ZNF486: variants seen among roughly 807,000 people sequenced by gnomAD.
The protein encoded by ZNF486 is zinc finger protein 486.
A neutral mutation model predicts 12.8 loss-of-function variants in ZNF486; 12 were observed. That is an observed-to-expected ratio of 0.94 (90% CI 0.60 to 1.52). The LOEUF (loss-of-function observed/expected upper bound fraction) is 1.52, where lower values mean the gene tolerates loss of function less well. Ranked by LOEUF, ZNF486 falls within the 40% of genes most tolerant of loss-of-function variation. The pLI is 0.00. For missense variants in ZNF486, 738 were observed against 545.0 expected (o/e 1.35, Z -3.53); for synonymous variants, 231 against 184.9 (o/e 1.25, Z -2.02).
In ZNF486 at chr19:20,184,541, T is replaced by C. The variant is rs2122656476; in HGVS notation, c.157+59T>C. 5 of 1,514,882 alleles carry C rather than the reference T, an allele frequency of 3.3e-6. No homozygotes were observed. In the Middle Eastern group the frequency reaches 7.1e-4, roughly 215 times the overall value. The allele number at this position is 1,514,882 out of a possible 1,614,324, so 93.8% of individuals were successfully genotyped here. ...ACCCCAAAAGTTTTATTTCTCTTTTTTGCAGAATGATTTTAGTAATTTATC... is the reference window on the plus strand; with the variant it reads ...ACCCCAAAAGTTTTATTTCTCTTTTCTGCAGAATGATTTTAGTAATTTATC... On this transcript the variant is annotated intron_variant, in intron 2 of 3. Coordinates refer to ENST00000335117, the MANE Select transcript of ZNF486 (RefSeq NM_052852.4).
chr19:20,193,675 AAT>A (rs1327819493), intron 3 of ZNF486, among the ~76,000 whole-genome samples: 14 of 152,124 alleles, frequency 9.2e-5, no homozygotes, highest in African/African-American at 3.1e-4. Flanking sequence ...AATAAAAAAA[AAT>A]ATGTCTTTTG....
intron 3 of ZNF486, among the ~76,000 whole-genome samples, chr19:20,191,745 G>C (rs2089905574): frequency 6.6e-6 from 1 of 152,150 alleles, no homozygotes; most frequent in South Asian, 2.1e-4. Flanking sequence ...ACTCCAGCCT[G>C]GGCAAAAGAG....
At chr19:20,193,645 A>G (rs966993044) in intron 3 of ZNF486, among the ~76,000 whole-genome samples, 3 of 152,082 alleles carry the variant, frequency 2.0e-5, no homozygotes, top group Non-Finnish European at 1.5e-5. Context: ...TGGACAACAG[A>G]GCGAAACTCC....
Position 20,197,885 on chromosome 19 carries a change from G to T in ZNF486, c.1175G>T (p.Gly392Val). ...GGCAAAGCCTTTACATGGTCTGCAG[G>T]CCTCCATAAACATAGGAGAACTCAT... ...ECGKAFTWSA[G>V]LHKHRRTHTG... Residue 392 changes from glycine (G) to valine (V), a missense_variant, in exon 4 of 4, where the codon GGC (glycine) becomes GTC (valine). Gly to Val is a moderately radical substitution (Grantham distance 109). Coordinates refer to ENST00000335117, the MANE Select transcript of ZNF486 (RefSeq NM_052852.4). The T allele has an allele frequency of 6.2e-7, 1 of 1,610,114 alleles. No homozygotes were observed. Among genetic ancestry groups the T allele is most frequent in the Non-Finnish European group, 8.5e-7 (1 of 1,179,002 alleles).
chr19:20,194,740 T>A (rs1199555217), intron 3 of ZNF486, among the ~76,000 whole-genome samples: 3 of 151,890 alleles, frequency 2.0e-5, no homozygotes, highest in Non-Finnish European at 2.9e-5. Context: ...AAAAAAAAAA[T>A]TCTCTGGTTA....
In ZNF486 at chr19:20,198,186, G is replaced by A. The variant is rs11667300; in HGVS notation, c.*84G>A. On this transcript the variant is annotated 3_prime_UTR_variant, in exon 4 of 4. Coordinates refer to ENST00000335117, the MANE Select transcript of ZNF486 (RefSeq NM_052852.4). ...GGCTGGAGTGCAATGGCATAATTTT[G>A]GCTCACCACAACCTCCACCTTCTGG... 7.8e-3 allele frequency: 9,953 copies of A among 1,278,706 alleles called. 58 individuals carry two copies. The highest frequency in any genetic ancestry group is 9.1e-3 in the Non-Finnish European group (8,549 of 937,718). The allele number at this position is 1,278,706 out of a possible 1,614,324, so 79.2% of individuals were successfully genotyped here.
intron 1 of ZNF486, among the ~76,000 whole-genome samples, chr19:20,173,703 G>C (rs1461193064): frequency 6.6e-6 from 1 of 151,974 alleles, no homozygotes; most frequent in Non-Finnish European, 1.5e-5. Flanking sequence ...GTGGTGGCGG[G>C]CGCCTGTAGT....
chr19:20,171,710 A>AT (rs1194762235), intron 1 of ZNF486, among the ~76,000 whole-genome samples: 1 of 151,820 alleles, frequency 6.6e-6, no homozygotes, highest in Non-Finnish European at 1.5e-5. Flanking sequence ...CCCAGGAATT[A>AT]TTTTTTTTCT....
Position 20,197,269 on chromosome 19 carries a change from G to T in ZNF486, c.559G>T (p.Gly187Cys). 6.2e-7 allele frequency: 1 copy of T among 1,610,706 alleles called. No homozygotes were observed. Among genetic ancestry groups the T allele is most frequent in the Non-Finnish European group, 8.5e-7 (1 of 1,179,180 alleles). Residue 187 changes from glycine (G) to cysteine (C), a missense_variant, in exon 4 of 4, where the codon GGT becomes TGT. By Grantham distance (159) the Gly-to-Cys change is radical. Transcript: ENST00000335117. ...AAAAAAACCTTTGAAATATATAGAA[G>T]GTGACAAAGCTTTTAACCAGTCCTC... ...TEKKPLKYIEGDKAFNQSSTH... is the reference protein window; with the variant it reads ...TEKKPLKYIECDKAFNQSSTH...
intron 3 of ZNF486, among the ~76,000 whole-genome samples, chr19:20,190,084 A>G (rs2089888018): frequency 6.6e-6 from 1 of 152,160 alleles, no homozygotes; most frequent in Non-Finnish European, 1.5e-5. Context: ...ACTCATAGCA[A>G]CTTTTTGAAA....
intron 1 of ZNF486, among the ~76,000 whole-genome samples, chr19:20,177,830 C>G (rs1160465415): frequency 6.6e-6 from 1 of 152,082 alleles, no homozygotes; most frequent in Non-Finnish European, 1.5e-5. Context: ...CCCGCCTCGG[C>G]CTCCCAAAGT....
chr19:20,193,682 C>G (rs1378686325), intron 3 of ZNF486, among the ~76,000 whole-genome samples: 2 of 151,928 alleles, frequency 1.3e-5, no homozygotes, highest in African/African-American at 4.8e-5. Flanking sequence ...AAAAATATGT[C>G]TTTTGATTGG....
At position 20,167,271 on chromosome 19, in the gene ZNF486, C is replaced by T. The variant is rs781943879; in HGVS notation, c.-60C>T. 6 of 1,608,832 alleles carry T rather than the reference C, an allele frequency of 3.7e-6. No individual in the cohort carries two copies. Among genetic ancestry groups the T allele is most frequent in the African/African-American group, 1.3e-5 (1 of 74,814 alleles). On this transcript the variant is annotated 5_prime_UTR_variant, in exon 1 of 4. Coordinates refer to ENST00000335117, the MANE Select transcript of ZNF486 (RefSeq NM_052852.4). Reference sequence around the variant, plus strand: ...TCTTCGCTACTCTGTGTCCTCTGCTCCTAGAGGCCCACCCTCTGTGGCCCT... The same window carrying T: ...TCTTCGCTACTCTGTGTCCTCTGCTTCTAGAGGCCCACCCTCTGTGGCCCT...
At position 20,177,873 on chromosome 19, in the gene ZNF486, G is replaced by C. The variant is rs543464303; in HGVS notation, c.31-6483G>C. 3.3e-5 allele frequency among the ~76,000 whole-genome samples: 5 copies of C among 151,454 alleles called. No individual in the cohort carries two copies. The South Asian group carries it at 1.0e-3, about 32-fold the overall frequency. On this transcript the variant is annotated intron_variant, in intron 1 of 3. Transcript: ENST00000335117. ...TTACAGGCACGAGCCACCACACCCA[G>C]CCAAAACGTTTTCTTTCTGTTCTAT...
intron 1 of ZNF486, among the ~76,000 whole-genome samples, chr19:20,180,773 C>T (rs1436763958): frequency 2.0e-5 from 3 of 152,166 alleles, no homozygotes; most frequent in East Asian, 3.9e-4. Flanking sequence ...ATCCACCCAC[C>T]TTGGCCTCAC....
chr19:20,170,383 C>T (rs1427499140), intron 1 of ZNF486, among the ~76,000 whole-genome samples: 5 of 151,892 alleles, frequency 3.3e-5, no homozygotes, highest in African/African-American at 1.2e-4. Flanking sequence ...CTGGCCAACA[C>T]GGTGAAAACA....
intron 1 of ZNF486, among the ~76,000 whole-genome samples, chr19:20,181,578 T>C (rs2089787899): frequency 6.6e-6 from 1 of 151,798 alleles, no homozygotes; most frequent in Non-Finnish European, 1.5e-5. Flanking sequence ...AGTACGTATT[T>C]TAGGGTCTTA....
chr19:20,197,231 G>C lies in ZNF486; in HGVS notation c.521G>C (p.Arg174Thr). 6.2e-7 allele frequency: 1 copy of C among 1,612,504 alleles called. No homozygotes were observed. Among genetic ancestry groups the C allele is most frequent in the South Asian group, 1.1e-5 (1 of 90,648 alleles). Residue 174 changes from arginine to threonine, a missense_variant, in exon 4 of 4, where the codon AGA becomes ACA. Transcript: ENST00000335117. ...HQFSNSKRHK[R>T]RHTEKKPLKY... ...TTTTCAAATTCAAAGAGACATAAAA[G>C]AAGACATACTGAAAAAAAACCTTTG... is the stretch of plus-strand genomic sequence containing the variant.
chr19:20,194,720 CTCTG>C (rs1324864123), intron 3 of ZNF486, among the ~76,000 whole-genome samples: 1 of 151,732 alleles, frequency 6.6e-6, no homozygotes, highest in Non-Finnish European at 1.5e-5. Context: ...AAGATTGAAA[CTCTG>C]TCTAAAAAAA....
Sources: allele counts gnomAD v4.1 joint callset (sites outside exome capture counted in the v4.1 genomes callset), GRCh38; gene constraint gnomAD v4.1.1; transcripts MANE v1.5; gene names NCBI Gene and HGNC (gene_info 2026-07-23, HGNC 2026-07-21).